Variants in DLG2 observed in about 807,000 individuals in gnomAD.
The protein encoded by DLG2 is discs large MAGUK scaffold protein 2, also known as disks large homolog 2.
A neutral mutation model predicts 132.5 loss-of-function variants in DLG2; 45 were observed. The observed-to-expected ratio is 0.34, with a 90% CI of 0.27 to 0.44. The LOEUF (loss-of-function observed/expected upper bound fraction) is 0.44. Among genes scored for constraint, DLG2 ranks in the 20% least tolerant of loss-of-function variants. DLG2 has a pLI of 1.00. For missense variants in DLG2, 1,045 were observed against 1,196.9 expected (o/e 0.87, Z 1.87); for synonymous variants, 424 against 419.6 (o/e 1.01, Z -0.13).
At chr11:83,678,850 A>G (rs983777126) in intron 18 of DLG2, among the ~76,000 whole-genome samples, 3 of 152,128 alleles carry the variant, frequency 2.0e-5, no homozygotes, top group Non-Finnish European at 4.4e-5. Flanking sequence ...TTCATTTTTT[A>G]TATCAAATTT....
In DLG2 at chr11:84,386,666, T is replaced by G. The variant is rs1046226953; in HGVS notation, c.520-135375A>C. ...TTTTGTAAATACTGTTAGTGCCAGG[T>G]CAGGTAATATGTTGATGCATTTTTT... On this transcript the variant is annotated intron_variant, in intron 7 of 27. Coordinates refer to ENST00000376104, the MANE Select transcript of DLG2 (RefSeq NM_001142699.3). Among the ~76,000 whole-genome samples the G allele has an allele frequency of 2.0e-5, 3 of 152,130 alleles. No homozygotes were observed. The South Asian group carries it at 6.2e-4, about 32-fold the overall frequency.
chr11:85,026,337 C>A (rs941031684), intron 6 of DLG2, among the ~76,000 whole-genome samples: 5 of 151,942 alleles, frequency 3.3e-5, no homozygotes, highest in Non-Finnish European at 7.4e-5. Flanking sequence ...AACGGAATTG[C>A]AAATCCCAAC....
intron 7 of DLG2, among the ~76,000 whole-genome samples, chr11:84,504,367 G>C (rs1457014918): frequency 6.6e-6 from 1 of 152,062 alleles, no homozygotes; most frequent in East Asian, 1.9e-4. Context: ...TAACTACTAA[G>C]TGTTTGGCTT....
At chr11:83,539,644 A>T (rs1242178323) in intron 20 of DLG2, among the ~76,000 whole-genome samples, 1 of 151,232 alleles carries the variant, frequency 6.6e-6, no homozygotes, top group Non-Finnish European at 1.5e-5. Context: ...GCTATACATT[A>T]TATGTATATA....
chr11:84,559,102 T>TA (rs1269913703), intron 6 of DLG2, among the ~76,000 whole-genome samples: 1 of 152,216 alleles, frequency 6.6e-6, no homozygotes, highest in Non-Finnish European at 1.5e-5. Flanking sequence ...GCTTGCTGAA[T>TA]AAATGAATGA....
chr11:84,864,093 C>G (rs1300270782), intron 6 of DLG2, among the ~76,000 whole-genome samples: 1 of 152,176 alleles, frequency 6.6e-6, no homozygotes, highest in African/African-American at 2.4e-5. Flanking sequence ...TTACATACTT[C>G]TACACAACCT....
intron 15 of DLG2, among the ~76,000 whole-genome samples, chr11:83,895,435 C>T (rs1281006224): frequency 6.6e-6 from 1 of 152,172 alleles, no homozygotes; most frequent in Admixed American, 6.5e-5. Context: ...GCTGGGATTA[C>T]AGGCGTGAGC....
Position 84,748,095 on chromosome 11 carries a change from C to A in DLG2, c.358-213364G>T, listed in dbSNP as rs572655176. Among the ~76,000 whole-genome samples, 27 of 152,334 alleles carry A rather than the reference C, an allele frequency of 1.8e-4. No individual in the cohort carries two copies. In the South Asian group the frequency reaches 5.4e-3, roughly 30 times the overall value. ...GTAGAATCAAAGACACCTGACAGGG[C>A]AACATCTGCTCTCAGGCTGTGCAGC... is the stretch of plus-strand genomic sequence containing the variant. On this transcript the variant is annotated intron_variant, in intron 6 of 27. Transcript: ENST00000376104.
chr11:85,444,609 G>GC (rs2091925657), intron 3 of DLG2, among the ~76,000 whole-genome samples: 1 of 152,178 alleles, frequency 6.6e-6, no homozygotes, highest in Non-Finnish European at 1.5e-5. Flanking sequence ...TCTCCACAAG[G>GC]CAACATGCAT....
intron 18 of DLG2, among the ~76,000 whole-genome samples, chr11:83,711,001 C>T (rs1414244807): frequency 1.3e-5 from 2 of 152,088 alleles, no homozygotes; most frequent in Non-Finnish European, 2.9e-5. Context: ...TTCTCACAGC[C>T]CCTTTGACAA....
chr11:83,892,768 G>T (rs1360737124), intron 15 of DLG2, among the ~76,000 whole-genome samples: 2 of 151,290 alleles, frequency 1.3e-5, no homozygotes, highest in East Asian at 3.9e-4. Flanking sequence ...AGAAGATTCA[G>T]ACATCCATTC....
At chr11:85,019,037 T>C (rs1225723833) in intron 6 of DLG2, among the ~76,000 whole-genome samples, 1 of 152,178 alleles carries the variant, frequency 6.6e-6, no homozygotes, top group Non-Finnish European at 1.5e-5. Flanking sequence ...GTAACACACA[T>C]ACTTGTAACT....
At chr11:84,704,405 T>C (rs1210489689) in intron 6 of DLG2, among the ~76,000 whole-genome samples, 1 of 151,498 alleles carries the variant, frequency 6.6e-6, no homozygotes, top group Non-Finnish European at 1.5e-5. Flanking sequence ...CTTAGCCCAT[T>C]TAGCTCTATA....
At chr11:83,930,186 C>T in intron 15 of DLG2, 142 bp downstream of exon 15, 4 of 944,118 alleles carry the variant, frequency 4.2e-6, no homozygotes, top group Non-Finnish European at 6.3e-6. Flanking sequence ...TCTCCCATTG[C>T]ACCAAGGGAA....
intron 6 of DLG2, among the ~76,000 whole-genome samples, chr11:84,625,879 A>G (rs1259701768): frequency 2.0e-5 from 3 of 152,190 alleles, no homozygotes; most frequent in African/African-American, 4.8e-5. Flanking sequence ...CAGTCTTCTA[A>G]TCATATCAAT....
chr11:84,228,972 T>C (rs2097050667), intron 8 of DLG2, among the ~76,000 whole-genome samples: 1 of 152,192 alleles, frequency 6.6e-6, no homozygotes, highest in Admixed American at 6.6e-5. Context: ...ATTAAAAAGC[T>C]GTGGTGAGGA....
chr11:84,319,057 G>A (rs529396426), intron 7 of DLG2, among the ~76,000 whole-genome samples: 1 of 152,238 alleles, frequency 6.6e-6, no homozygotes, highest in Non-Finnish European at 1.5e-5. Flanking sequence ...TCTTGTTAAG[G>A]AAATTTGTCA....
chr11:85,252,521 G>A (rs950015168), intron 4 of DLG2, among the ~76,000 whole-genome samples: 2 of 152,118 alleles, frequency 1.3e-5, no homozygotes, highest in Admixed American at 6.5e-5. Flanking sequence ...AGGAGGTGGA[G>A]GTTGCAGTGA....
intron 3 of DLG2, among the ~76,000 whole-genome samples, chr11:85,343,488 T>A (rs1462604211): frequency 6.6e-6 from 1 of 152,302 alleles, no homozygotes; most frequent in Admixed American, 6.5e-5. Context: ...TTTTAGTGTC[T>A]TTTTTTAATT....
Sources: gnomAD v4.1 joint callset for allele counts (sites outside exome capture counted in the v4.1 genomes callset) on GRCh38, gnomAD v4.1.1 for gene constraint, MANE v1.5 for transcripts, NCBI Gene and HGNC (gene_info 2026-07-23, HGNC 2026-07-21) for gene names.